The following ELP1 variants were observed in gnomAD, a reference collection of about 807,000 sequenced individuals.
ELP1 encodes the protein elongator acetyltransferase complex subunit 1.
ELP1 carries 131 observed loss-of-function variants against 183.2 expected under a neutral mutation model. The observed-to-expected ratio is 0.72, with a 90% CI of 0.62 to 0.83. The LOEUF (loss-of-function observed/expected upper bound fraction) is 0.83, where lower values mean the gene tolerates loss of function less well. Among genes scored for constraint, ELP1 ranks in the 40% least tolerant of loss-of-function variants. The pLI is 0.00. For synonymous variants in ELP1, 555 were observed against 569.0 expected (o/e 0.98, Z 0.35); for missense variants, 1,550 against 1,594.9 (o/e 0.97, Z 0.48).
At position 108,891,420 on chromosome 9, in the gene ELP1, AT is replaced by A; in HGVS notation, c.2959-17del. 6.2e-7 allele frequency: 1 copy of A among 1,609,334 alleles called. No homozygotes were observed. Among genetic ancestry groups the A allele is most frequent in the Non-Finnish European group, 8.5e-7 (1 of 1,176,852 alleles). ...TGCTGATATCCTGTGACAAGAGGAG[AT>A]TTAGGACTGAGGAGGAAATATGACA... is the stretch of plus-strand genomic sequence containing the variant. On this transcript the variant is annotated splice_polypyrimidine_tract_variant and intron_variant, in intron 27 of 36. Coordinates refer to ENST00000374647, the MANE Select transcript of ELP1 (RefSeq NM_003640.5).
intron 3 of ELP1, among the ~76,000 whole-genome samples, chr9:108,928,084 A>G (rs771403414): frequency 2.0e-5 from 3 of 152,254 alleles, no homozygotes; most frequent in Non-Finnish European, 4.4e-5. Flanking sequence ...TGGATATCCT[A>G]TTCTCCATGA....
At chr9:108,910,639 C>T (rs908347455) in intron 12 of ELP1, among the ~76,000 whole-genome samples, 4 of 152,006 alleles carry the variant, frequency 2.6e-5, no homozygotes, top group African/African-American at 9.7e-5. Context: ...AAGAGGAAAA[C>T]CCCATCTCTG....
At chr9:108,877,499 T>C (rs1164852690) in intron 35 of ELP1, among the ~76,000 whole-genome samples, 1 of 152,186 alleles carries the variant, frequency 6.6e-6, no homozygotes, top group Non-Finnish European at 1.5e-5. Flanking sequence ...GACAATATAC[T>C]AGAATTCTGC....
In ELP1 at chr9:108,916,263, A is replaced by G; in HGVS notation, c.899T>C (p.Val300Ala). The G allele has an allele frequency of 1.2e-6, 2 of 1,614,200 alleles. No individual in the cohort carries two copies. Among genetic ancestry groups the G allele is most frequent in the Non-Finnish European group, 1.7e-6 (2 of 1,180,004 alleles). ...AAGGTCTTCCAGCCAGACTGCAAGC[A>G]CAGAGGAATCTGCATTCCAGAGCAA... is the stretch of plus-strand genomic sequence containing the variant. ...NDLLWNADSSVLAVWLEDLQR... is the reference protein window; with the variant it reads ...NDLLWNADSSALAVWLEDLQR... The change falls in exon 10 of 37, where the codon GTG (valine) becomes GCG (alanine). Residue 300 changes from valine to alanine, a missense_variant. By Grantham distance (64) the Val-to-Ala change is moderately conservative (BLOSUM62 0). Transcript: ENST00000374647.
In ELP1 at chr9:108,878,168, A is replaced by G; in HGVS notation, c.3701-19T>C. On this transcript the variant is annotated intron_variant, in intron 34 of 36. Transcript: ENST00000374647. ...ACTTCATCTAGAGAGAAGAAATTTG[A>G]AAGAGTGGTAAGTTATATTCCCAGC... The G allele has an allele frequency of 1.3e-6, 2 of 1,595,896 alleles. No homozygotes were observed. Among genetic ancestry groups the G allele is most frequent in the Non-Finnish European group, 1.7e-6 (2 of 1,163,532 alleles).
intron 7 of ELP1, 142 bp downstream of exon 7, chr9:108,919,111 C>A (rs1829551986): frequency 4.0e-6 from 3 of 755,238 alleles, no homozygotes; most frequent in Admixed American, 2.1e-5. Context: ...TTAACTCTAA[C>A]CTCATTTCAC....
Position 108,899,164 on chromosome 9 carries a change from G to A in ELP1, c.2205-415C>T, listed in dbSNP as rs572065138. ...ATACAAAAAAAAAAATTAGCCAGGC[G>A]TGGTGCACACCTGTAATCCTAGCTA... On this transcript the variant is annotated intron_variant, in intron 20 of 36. Coordinates refer to ENST00000374647, the MANE Select transcript of ELP1 (RefSeq NM_003640.5). 3.3e-5 allele frequency among the ~76,000 whole-genome samples: 5 copies of A among 152,022 alleles called. No individual in the cohort carries two copies. The East Asian group carries it at 5.8e-4, about 18-fold the overall frequency.
At chr9:108,927,274 A>C in intron 4 of ELP1, 98 bp downstream of exon 4, 1 of 939,308 alleles carries the variant, frequency 1.1e-6, no homozygotes, top group Non-Finnish European at 1.8e-6. Context: ...GGTTCAAAGA[A>C]ATTTTTTGAA....
intron 2 of ELP1, 24 bp downstream of exon 2, chr9:108,930,973 T>C: frequency 1.2e-6 from 2 of 1,613,548 alleles, no homozygotes; most frequent in South Asian, 1.1e-5. Flanking sequence ...ACCCACATGC[T>C]GGCATTCTAC....
chr9:108,891,505 A>AATTC, intron 27 of ELP1, 101 bp from the exon 28 acceptor site: 1 of 1,061,104 alleles, frequency 9.4e-7, no homozygotes, highest in Non-Finnish European at 1.4e-6. Flanking sequence ...AACTCCCTTG[A>AATTC]AAGAATTACC....
rs756144359 is a variant in ELP1, at chr9:108,879,414, T to C, written c.3572+32A>G. On this transcript the variant is annotated intron_variant, in intron 33 of 36. Coordinates refer to ENST00000374647, the MANE Select transcript of ELP1 (RefSeq NM_003640.5). ...CCACTTTCCCTATATGCCCAGGATA[T>C]AGTCAATGTGCTGAATCAATGTGAT... 5 of 1,501,922 alleles carry C rather than the reference T, an allele frequency of 3.3e-6. No individual in the cohort carries two copies. The Admixed American group carries it at 6.7e-5, about 20-fold the overall frequency. The allele number at this position is 1,501,922 out of a possible 1,614,324, so 93.0% of individuals were successfully genotyped here. A position where few individuals can be genotyped will look rare whatever the true frequency, so the allele number is the denominator to read the frequency against.
intron 14 of ELP1, among the ~76,000 whole-genome samples, chr9:108,904,209 T>C (rs1828932099): frequency 6.6e-6 from 1 of 152,148 alleles, no homozygotes; most frequent in Admixed American, 6.6e-5. Context: ...CATTACATTT[T>C]TTCCCTGAGT....
At chr9:108,905,253 G>A (rs556346580) in intron 14 of ELP1, among the ~76,000 whole-genome samples, 1 of 152,270 alleles carries the variant, frequency 6.6e-6, no homozygotes, top group Admixed American at 6.5e-5. Context: ...TTGCAACAAC[G>A]TTTCTCAGAA....
At chr9:108,881,134 T>C (rs909434297) in intron 31 of ELP1, among the ~76,000 whole-genome samples, 4 of 152,210 alleles carry the variant, frequency 2.6e-5, no homozygotes, top group Non-Finnish European at 5.9e-5. Context: ...TTTTAAAAAA[T>C]ACTTTGAAAC....
chr9:108,883,003 C>G (rs1451441026), intron 29 of ELP1, among the ~76,000 whole-genome samples: 2 of 152,186 alleles, frequency 1.3e-5, no homozygotes, highest in Non-Finnish European at 2.9e-5. Flanking sequence ...TATATGCTGT[C>G]TTTTCACATT....
chr9:108,874,938 G>T lies in ELP1; in HGVS notation c.3888C>A (p.Ile1296=). Residue 1296 remains isoleucine, a synonymous_variant, in exon 36 of 37, where the codon ATC becomes ATA. Transcript: ENST00000374647. ...TCTTCTGTTGCTGATAAGATGCCAT[G>T]ATACTATTTGCAGTAGAATTGGGAC... ...VLGPNSTANS[I]MASYQQQKTS... is the part of the protein sequence containing the mutation. 1 of 1,612,746 alleles carries T rather than the reference G, an allele frequency of 6.2e-7. No homozygotes were observed. Among genetic ancestry groups the T allele is most frequent in the Admixed American group, 1.7e-5 (1 of 60,014 alleles).
chr9:108,916,732 A>T (rs1772047), intron 9 of ELP1, among the ~76,000 whole-genome samples: 1 of 152,064 alleles, frequency 6.6e-6, no homozygotes, highest in African/African-American at 2.4e-5. Context: ...GTAAGTATAT[A>T]TATGTATAGG....
At chr9:108,898,382 A>G (rs555052764) in intron 22 of ELP1, 120 bp downstream of exon 22, 10 of 692,104 alleles carry the variant, frequency 1.4e-5, no homozygotes, top group South Asian at 1.3e-4. Context: ...TAAGAGTTAT[A>G]GCAATTTTTA....
chr9:108,897,095 C>A, intron 23 of ELP1, 53 bp downstream of exon 23: 1 of 1,613,878 alleles, frequency 6.2e-7, no homozygotes, highest in East Asian at 2.2e-5. Context: ...TGGACAAGGA[C>A]AACTACACAC....
Sources: allele counts gnomAD v4.1 joint callset (sites outside exome capture counted in the v4.1 genomes callset), GRCh38; gene constraint gnomAD v4.1.1; transcripts MANE v1.5; gene names NCBI Gene and HGNC (gene_info 2026-07-23, HGNC 2026-07-21).